Variants in SLC24A2 observed in about 807,000 individuals in gnomAD.
SLC24A2 encodes solute carrier family 24 member 2, also known as sodium/potassium/calcium exchanger 2.
Under a neutral mutation model 62.0 loss-of-function variants are expected in SLC24A2, and 36 were observed. The observed-to-expected ratio is 0.58, with a 90% CI of 0.44 to 0.77. The LOEUF is 0.77. SLC24A2 is among the 30% of genes least tolerant of loss of function. The pLI is 0.00. For synonymous variants in SLC24A2, 358 were observed against 294.0 expected (o/e 1.22, Z -2.23); for missense variants, 846 against 817.9 (o/e 1.03, Z -0.42).
the SLC24A2 span, among the ~76,000 whole-genome samples, chr9:20,140,275 G>T: frequency 6.6e-6 from 1 of 152,150 alleles, no homozygotes; most frequent in Non-Finnish European, 1.5e-5. Flanking sequence ...AGGCAGATCT[G>T]TACACAGAGA....
chr9:20,074,597 GGAAGGAAA>G, the SLC24A2 span, among the ~76,000 whole-genome samples: 21,999 of 105,204 alleles, frequency 0.21, 2,735 homozygotes, highest in Middle Eastern at 0.28. Context: ...AAGGAAGGAA[GGAAGGAAA>G]GAAGGGAGTG....
intron 2 of SLC24A2, among the ~76,000 whole-genome samples, chr9:19,676,093 T>C (rs2383112): frequency 6.6e-6 from 1 of 152,024 alleles, no homozygotes; most frequent in South Asian, 2.1e-4. Flanking sequence ...CTCTAAAATT[T>C]TCTCAGCTCC....
the SLC24A2 span, among the ~76,000 whole-genome samples, chr9:19,992,513 C>T: frequency 6.6e-6 from 1 of 152,156 alleles, no homozygotes; most frequent in African/African-American, 2.4e-5. Flanking sequence ...TTCAAATTGG[C>T]TAGTCTTTGG....
the SLC24A2 span, among the ~76,000 whole-genome samples, chr9:20,268,665 A>T: frequency 6.6e-6 from 1 of 152,226 alleles, no homozygotes; most frequent in Non-Finnish European, 1.5e-5. Flanking sequence ...AATAAATTAT[A>T]TAGCCCAGTT....
chr9:20,144,658 G>A, the SLC24A2 span, among the ~76,000 whole-genome samples: 4 of 152,128 alleles, frequency 2.6e-5, no homozygotes, highest in Non-Finnish European at 4.4e-5. Flanking sequence ...ACTGTGGGGG[G>A]ACCACATTCC....
chr9:19,536,157 T>TA (rs1364527091), intron 8 of SLC24A2, among the ~76,000 whole-genome samples: 2 of 151,338 alleles, frequency 1.3e-5, no homozygotes, highest in Admixed American at 6.6e-5. Context: ...TTTTTTTTTT[T>TA]ATCTGATTCT....
intron 5 of SLC24A2, among the ~76,000 whole-genome samples, chr9:19,591,032 C>T (rs564527894): frequency 6.6e-6 from 1 of 152,282 alleles, no homozygotes; most frequent in African/African-American, 2.4e-5. Context: ...GTCTCCTTTG[C>T]TGGGCCTCCC....
chr9:19,634,088 T>C (rs191760001), intron 2 of SLC24A2, among the ~76,000 whole-genome samples: 2 of 152,256 alleles, frequency 1.3e-5, no homozygotes, highest in East Asian at 3.9e-4. Context: ...GTCTATTTTT[T>C]GCCTATGGCT....
At chr9:19,977,113 TTGTGTGTG>T in the SLC24A2 span, among the ~76,000 whole-genome samples, 29 of 145,332 alleles carry the variant, frequency 2.0e-4, no homozygotes, top group East Asian at 4.0e-4. Context: ...ATTTCTATAT[TTGTGTGTG>T]TGTGTGTGTG....
At chr9:19,627,450 G>T (rs571696798) in intron 2 of SLC24A2, among the ~76,000 whole-genome samples, 19 of 152,288 alleles carry the variant, frequency 1.2e-4, no homozygotes, top group African/African-American at 4.6e-4. Flanking sequence ...AAGGGGGCCA[G>T]GGTGACTTCA....
chr9:20,163,604 C>G, the SLC24A2 span, among the ~76,000 whole-genome samples: 2 of 152,136 alleles, frequency 1.3e-5, no homozygotes, highest in Admixed American at 1.3e-4. Context: ...CTACCAATGA[C>G]TTTCTTCACA....
At chr9:19,839,964 G>A in the SLC24A2 span, among the ~76,000 whole-genome samples, 151 of 152,200 alleles carry the variant, frequency 9.9e-4, no homozygotes, top group Non-Finnish European at 1.4e-3. Context: ...TATCATCCAG[G>A]TTTATGTGAG....
At chr9:19,688,294 C>T (rs1170565758) in intron 2 of SLC24A2, among the ~76,000 whole-genome samples, 3 of 152,100 alleles carry the variant, frequency 2.0e-5, no homozygotes, top group African/African-American at 7.2e-5. Flanking sequence ...ATAACTTCTC[C>T]AGAGCCTCAG....
chr9:19,626,504 C>T lies in SLC24A2; in HGVS notation c.931-4205G>A, dbSNP rs527887965. 1.4e-4 allele frequency among the ~76,000 whole-genome samples: 22 copies of T among 152,290 alleles called. No individual in the cohort carries two copies. The South Asian group carries it at 3.1e-3, about 22-fold the overall frequency. On this transcript the variant is annotated intron_variant, in intron 2 of 10. Transcript: ENST00000341998. The stretch of plus-strand genomic sequence containing the variant: ...AAAGCTAAGTAACAGCTATAAACTT[C>T]CACCACTTTAACATTCCACCAAGTC...
At chr9:19,954,309 A>G in the SLC24A2 span, among the ~76,000 whole-genome samples, 9 of 152,254 alleles carry the variant, frequency 5.9e-5, no homozygotes, top group African/African-American at 2.2e-4. Flanking sequence ...AAGATAATGT[A>G]TGCAGATGAG....
rs771807878 is a variant in SLC24A2 at position 19,645,971 on chromosome 9, G to T, written c.931-23672C>A. Among the ~76,000 whole-genome samples the T allele has an allele frequency of 4.6e-5, 7 of 152,216 alleles. 1 individual carries two copies. The South Asian group carries it at 1.2e-3, about 27-fold the overall frequency. ...GCGTCTTCCTACCTGTGTGATCTTG[G>T]GAAAGGCATTGGCCTTTCTGGCTAC... is the stretch of plus-strand genomic sequence containing the variant. On this transcript the variant is annotated intron_variant, in intron 2 of 10. Transcript: ENST00000341998.
chr9:20,185,405 C>G, the SLC24A2 span, among the ~76,000 whole-genome samples: 3 of 151,846 alleles, frequency 2.0e-5, no homozygotes, highest in Non-Finnish European at 4.4e-5. Context: ...GCGGCTCACG[C>G]CTGTAATCCC....
the SLC24A2 span, among the ~76,000 whole-genome samples, chr9:20,207,793 A>T: frequency 1.3e-5 from 2 of 152,200 alleles, no homozygotes; most frequent in Non-Finnish European, 2.9e-5. Flanking sequence ...ACTGGGGATA[A>T]CAAATATTTA....
At chr9:19,526,988 A>C (rs1223455718) in intron 9 of SLC24A2, among the ~76,000 whole-genome samples, 2 of 152,094 alleles carry the variant, frequency 1.3e-5, no homozygotes, top group Admixed American at 6.6e-5. Context: ...CTTACATTTC[A>C]AACTATGATG....
Sources: gnomAD v4.1 joint callset for allele counts (sites outside exome capture counted in the v4.1 genomes callset) on GRCh38, gnomAD v4.1.1 for gene constraint, MANE v1.5 for transcripts, NCBI Gene and HGNC (gene_info 2026-07-23, HGNC 2026-07-21) for gene names.